The following SH3D19 variants were observed in gnomAD, a reference collection of about 807,000 sequenced individuals.
SH3D19 encodes the protein SH3 domain-containing protein 19.
Under a neutral mutation model 112.1 loss-of-function variants are expected in SH3D19, and 58 were observed. The ratio of observed to expected loss-of-function variants is 0.52; its 90% CI spans 0.42 to 0.64. The LOEUF is 0.64. Ranked by LOEUF, SH3D19 falls within the 30% of genes least tolerant of loss-of-function variation. The pLI is 0.00. For synonymous variants in SH3D19, 391 were observed against 448.5 expected (o/e 0.87, Z 1.62); for missense variants, 1,090 against 1,263.4 (o/e 0.86, Z 2.08).
intron 3 of SH3D19, among the ~76,000 whole-genome samples, chr4:151,180,618 G>T (rs1368432512): frequency 6.6e-6 from 1 of 151,256 alleles, no homozygotes; most frequent in Non-Finnish European, 1.5e-5. Context: ...GTGTTAGCCA[G>T]GATGGTCTCG....
chr4:151,171,596 G>A (rs1759082318), intron 7 of SH3D19, among the ~76,000 whole-genome samples: 4 of 151,980 alleles, frequency 2.6e-5, no homozygotes, highest in Admixed American at 2.6e-4. Flanking sequence ...ACCTATATCC[G>A]CATGGTCTTC....
chr4:151,289,463 T>C (rs1236859365), intron 1 of SH3D19, among the ~76,000 whole-genome samples: 2 of 152,166 alleles, frequency 1.3e-5, no homozygotes, highest in African/African-American at 4.8e-5. Flanking sequence ...GAAGAAAATA[T>C]TTGCAAATCA....
intron 1 of SH3D19, among the ~76,000 whole-genome samples, chr4:151,311,128 T>G (rs1466138057): frequency 6.6e-6 from 1 of 151,508 alleles, no homozygotes; most frequent in South Asian, 2.1e-4. Flanking sequence ...TGTATACATA[T>G]ATACATGTAT....
intron 7 of SH3D19, chr4:151,170,404 G>C (rs1319635956): frequency 6.6e-6 from 1 of 151,968 alleles, no homozygotes; most frequent in Non-Finnish European, 1.5e-5. Context: ...GGTTTCTTTT[G>C]TTGCTTTTTC....
At chr4:151,250,381 T>G (rs994066290) in intron 1 of SH3D19, among the ~76,000 whole-genome samples, 1 of 152,172 alleles carries the variant, frequency 6.6e-6, no homozygotes, top group Admixed American at 6.5e-5. Context: ...GAATGATATA[T>G]AGAATATTCT....
chr4:151,291,350 T>C, intron 1 of SH3D19: 2 of 1,613,990 alleles, frequency 1.2e-6, no homozygotes, highest in Non-Finnish European at 1.7e-6. Context: ...TCCTGTGCCT[T>C]TGGACCTAAC....
intron 2 of SH3D19, among the ~76,000 whole-genome samples, chr4:151,210,467 T>C (rs1186705316): frequency 6.7e-6 from 1 of 149,562 alleles, no homozygotes; most frequent in African/African-American, 2.5e-5. Flanking sequence ...AGTGGCGCAA[T>C]CTCAGCTTAC....
intron 12 of SH3D19, chr4:151,141,120 G>C (rs1413180621): frequency 6.6e-6 from 1 of 152,052 alleles, no homozygotes; most frequent in East Asian, 1.9e-4. Flanking sequence ...GATATTTTAG[G>C]TCTGACATGG....
chr4:151,267,628 T>C (rs1322683393), intron 1 of SH3D19, among the ~76,000 whole-genome samples: 1 of 152,322 alleles, frequency 6.6e-6, no homozygotes, highest in East Asian at 1.9e-4. Context: ...ATCTTGTTTT[T>C]TTCAATTAAC....
In SH3D19 at chr4:151,263,790, TTTGTTG is replaced by T. The variant is rs145008066; in HGVS notation, c.113-37710_113-37705del. Among the ~76,000 whole-genome samples the T allele has an allele frequency of 2.7e-3, 402 of 151,036 alleles. 2 individuals are homozygous for T. Among genetic ancestry groups the T allele is most frequent in the African/African-American group, 9.1e-3 (375 of 41,018 alleles). On this transcript the variant is annotated intron_variant, in intron 1 of 19. Transcript: ENST00000604030. ...AACACCCAAAATGGAAGCTACAGTT[TTTGTTG>T]TTGTTGTTGTTGTTGTTGTTGTTGT...
intron 1 of SH3D19, among the ~76,000 whole-genome samples, chr4:151,245,868 T>G (rs13120319): frequency 1.3e-5 from 2 of 152,048 alleles, no homozygotes; most frequent in African/African-American, 2.4e-5. Context: ...CCCAAAGTGC[T>G]GGGATTTACA....
At chr4:151,293,473 CAAA>C (rs569506630) in intron 1 of SH3D19, among the ~76,000 whole-genome samples, 1 of 100,940 alleles carries the variant, frequency 9.9e-6, no homozygotes, top group Non-Finnish European at 2.2e-5. Context: ...ACTCCGTCTC[CAAA>C]AAAAAAAAAA....
intron 15 of SH3D19, 106 bp from the exon 16 acceptor site, chr4:151,133,342 A>G: frequency 2.2e-6 from 2 of 905,564 alleles, no homozygotes; most frequent in South Asian, 3.3e-5. Context: ...TTTACCATGG[A>G]ATAAGGTATA....
chr4:151,279,428 C>G (rs1773969606), intron 1 of SH3D19, among the ~76,000 whole-genome samples: 1 of 152,102 alleles, frequency 6.6e-6, no homozygotes, highest in Non-Finnish European at 1.5e-5. Context: ...TGAAGATTCC[C>G]ACTAATAGGT....
intron 1 of SH3D19, among the ~76,000 whole-genome samples, chr4:151,250,109 T>A (rs999382830): frequency 1.3e-5 from 2 of 152,328 alleles, no homozygotes; most frequent in Non-Finnish European, 2.9e-5. Flanking sequence ...GTCAAATTTT[T>A]AAATGCAGAT....
At chr4:151,160,656 C>T (rs939216371) in intron 8 of SH3D19, among the ~76,000 whole-genome samples, 35 of 149,420 alleles carry the variant, frequency 2.3e-4, no homozygotes, top group Non-Finnish European at 3.7e-4. Context: ...AGGAGATGAG[C>T]AGATGAGCAC....
chr4:151,246,892 G>C (rs185596261), intron 1 of SH3D19, among the ~76,000 whole-genome samples: 16 of 151,898 alleles, frequency 1.1e-4, no homozygotes, highest in Non-Finnish European at 1.9e-4. Flanking sequence ...ATTCCTTTTC[G>C]GCCCCATAGA....
At chr4:151,323,926 A>C (rs115360855) in intron 1 of SH3D19, among the ~76,000 whole-genome samples, 136 of 152,342 alleles carry the variant, frequency 8.9e-4, no homozygotes, top group African/African-American at 3.2e-3. Context: ...TACCCTGTTT[A>C]AATCCATAGG....
In SH3D19 at chr4:151,148,374, C is replaced by T. The variant is rs114145253; in HGVS notation, c.1818-188G>A. ...TTGAGCAAACGACTGCTGCATTAAA[C>T]ATTACATTATTAGAGGAAATGCCAT... On this transcript the variant is annotated intron_variant, in intron 10 of 19. Transcript: ENST00000604030. Among the ~76,000 whole-genome samples, 1,257 of 152,150 alleles carry T rather than the reference C, an allele frequency of 8.3e-3. 14 individuals are homozygous for T. Among genetic ancestry groups the T allele is most frequent in the Middle Eastern group, 0.017 (5 of 294 alleles).
Sources: allele counts gnomAD v4.1 joint callset (sites outside exome capture counted in the v4.1 genomes callset), GRCh38; gene constraint gnomAD v4.1.1; transcripts MANE v1.5; gene names NCBI Gene and HGNC (gene_info 2026-07-23, HGNC 2026-07-21).